IDE: variants seen among roughly 807,000 people sequenced by gnomAD.
IDE encodes insulin degrading enzyme.
In IDE, 58 loss-of-function variants were observed where a neutral mutation model predicts 133.2. The observed-to-expected ratio is 0.44, with a 90% CI of 0.35 to 0.54. The LOEUF (loss-of-function observed/expected upper bound fraction) is 0.54. IDE is among the 20% of genes least tolerant of loss of function. The probability of loss-of-function intolerance (pLI) is 0.00; values close to 1 mark genes in which losing one functional copy is unlikely to be tolerated. For synonymous variants in IDE, 396 were observed against 421.3 expected (o/e 0.94, Z 0.73); for missense variants, 981 against 1,234.0 (o/e 0.79, Z 3.07).
At chr10:92,504,293 G>A (rs112881197) in intron 11 of IDE, among the ~76,000 whole-genome samples, 4 of 152,240 alleles carry the variant, frequency 2.6e-5, no homozygotes, top group South Asian at 4.1e-4. Flanking sequence ...CCTCTAGCAA[G>A]AATACCTCTG....
At chr10:92,490,462 T>G (rs757174643) in intron 12 of IDE, 31 bp downstream of exon 12, 1 of 1,310,752 alleles carries the variant, frequency 7.6e-7, no homozygotes, top group South Asian at 1.2e-5. Context: ...TCCTCACATG[T>G]CAGGCTTATT....
chr10:92,498,973 C>G (rs1042900221), intron 11 of IDE, among the ~76,000 whole-genome samples: 2 of 152,006 alleles, frequency 1.3e-5, no homozygotes, highest in African/African-American at 4.8e-5. Flanking sequence ...GATTTTTCCC[C>G]CCTGGAAATA....
intron 24 of IDE, among the ~76,000 whole-genome samples, chr10:92,454,954 T>C (rs1297683045): frequency 6.6e-6 from 1 of 152,062 alleles, no homozygotes; most frequent in Non-Finnish European, 1.5e-5. Context: ...ATGATTAAAA[T>C]ACGCAGGTAA....
intron 12 of IDE, among the ~76,000 whole-genome samples, chr10:92,489,691 G>C (rs1847229940): frequency 6.6e-6 from 1 of 152,092 alleles, no homozygotes; most frequent in African/African-American, 2.4e-5. Flanking sequence ...CACACTGGAG[G>C]GCTTCAATGA....
chr10:92,572,863 G>A, intron 1 of IDE: 1 of 982,992 alleles, frequency 1.0e-6, no homozygotes, highest in Non-Finnish European at 1.2e-6. Context: ...CCCCATCTCT[G>A]GCCCCACACA....
chr10:92,526,262 G>A (rs1286392106), intron 4 of IDE, among the ~76,000 whole-genome samples: 4 of 151,918 alleles, frequency 2.6e-5, no homozygotes, highest in Non-Finnish European at 4.4e-5. Flanking sequence ...CTGTGTTCAT[G>A]GACTGGAAGA....
At chr10:92,514,261 TC>T (rs1848785858) in intron 5 of IDE, among the ~76,000 whole-genome samples, 2 of 152,126 alleles carry the variant, frequency 1.3e-5, no homozygotes, top group Non-Finnish European at 2.9e-5. Context: ...GGGTATTACT[TC>T]AAAACAAAAC....
chr10:92,454,664 G>C, intron 24 of IDE, 125 bp from the exon 25 acceptor site: 2 of 668,546 alleles, frequency 3.0e-6, no homozygotes, highest in South Asian at 3.4e-5. Context: ...TTTTGTTTTG[G>C]CTTGAGGCCG....
chr10:92,482,343 A>C (rs546876256), intron 14 of IDE, among the ~76,000 whole-genome samples: 13 of 152,258 alleles, frequency 8.5e-5, no homozygotes, highest in African/African-American at 2.9e-4. Context: ...CACACAAATA[A>C]GTAAAGGAAG....
chr10:92,479,246 G>T, intron 15 of IDE, 31 bp downstream of exon 15: 1 of 1,496,346 alleles, frequency 6.7e-7, no homozygotes, highest in Non-Finnish European at 9.1e-7. Flanking sequence ...AAATGTTGAT[G>T]AGTGGAAGGC....
intron 4 of IDE, among the ~76,000 whole-genome samples, chr10:92,519,001 T>C (rs1019027388): frequency 2.2e-4 from 33 of 152,318 alleles, no homozygotes; most frequent in African/African-American, 7.5e-4. Flanking sequence ...CAAATGTCTG[T>C]GTACCTACCT....
At chr10:92,553,722 T>G (rs1842894291) in intron 1 of IDE, among the ~76,000 whole-genome samples, 1 of 152,024 alleles carries the variant, frequency 6.6e-6, no homozygotes, top group African/African-American at 2.4e-5. Context: ...GCCAATAAAT[T>G]GAAAAATCTA....
In IDE at chr10:92,539,870, CG is replaced by C. The variant is rs1030057354; in HGVS notation, c.99-2321del. ...TGCCAAGTCTAAAAAATGGTGTTTGCGGTAAAATAGTAATAATTCTCAGGGT... is the reference window on the plus strand; with the variant it reads ...TGCCAAGTCTAAAAAATGGTGTTTGCGTAAAATAGTAATAATTCTCAGGGT... On this transcript the variant is annotated intron_variant, in intron 1 of 24. Transcript: ENST00000265986. Among the ~76,000 whole-genome samples, 53 of 152,070 alleles carry C rather than the reference CG, an allele frequency of 3.5e-4. 1 individual carries two copies. Among genetic ancestry groups the C allele is most frequent in the African/African-American group, 1.3e-3 (53 of 41,502 alleles).
intron 13 of IDE, 78 bp downstream of exon 13, chr10:92,487,118 T>C (rs1847043022): frequency 7.2e-7 from 1 of 1,396,218 alleles, no homozygotes; most frequent in Non-Finnish European, 9.8e-7. Context: ...TAGTACCAAA[T>C]GTAAGAAATC....
intron 1 of IDE, 57 bp downstream of exon 1, chr10:92,573,865 G>A (rs1843923498): frequency 8.2e-7 from 1 of 1,214,996 alleles, no homozygotes; most frequent in Middle Eastern, 2.0e-4. Context: ...TGCAACCCGA[G>A]CGCCAAACCG....
intron 23 of IDE, among the ~76,000 whole-genome samples, chr10:92,456,042 C>T (rs932856933): frequency 5.9e-5 from 9 of 152,158 alleles, no homozygotes; most frequent in African/African-American, 2.2e-4. Flanking sequence ...AGCCAGGAAA[C>T]GAAAGGACTG....
At chr10:92,489,139 T>C (rs1356034486) in intron 12 of IDE, among the ~76,000 whole-genome samples, 1 of 152,184 alleles carries the variant, frequency 6.6e-6, no homozygotes, top group East Asian at 1.9e-4. Context: ...CTTTCGGCAC[T>C]GGGGACGTTG....
At chr10:92,462,593 G>A (rs186586186) in intron 21 of IDE, among the ~76,000 whole-genome samples, 1 of 152,198 alleles carries the variant, frequency 6.6e-6, no homozygotes, top group Admixed American at 6.5e-5. Flanking sequence ...GGCAACAAGA[G>A]CGAAACTCCA....
chr10:92,476,739 C>T (rs1025188654), intron 15 of IDE, among the ~76,000 whole-genome samples: 2 of 152,194 alleles, frequency 1.3e-5, no homozygotes, highest in African/African-American at 4.8e-5. Context: ...CATCAAAACT[C>T]AAATTCTTTT....
Sources: gnomAD v4.1 joint callset for allele counts (sites outside exome capture counted in the v4.1 genomes callset) on GRCh38, gnomAD v4.1.1 for gene constraint, MANE v1.5 for transcripts, NCBI Gene and HGNC (gene_info 2026-07-23, HGNC 2026-07-21) for gene names.